Variants in ACAD11 observed in about 807,000 individuals in gnomAD.
The protein encoded by ACAD11 is acyl-Coenzyme A dehydrogenase family, member 11.
Under a neutral mutation model 102.2 loss-of-function variants are expected in ACAD11, and 83 were observed. The observed-to-expected ratio is 0.81, with a 90% CI of 0.68 to 0.97. The LOEUF is 0.97. Among genes scored for constraint, ACAD11 ranks in the 50% least tolerant of loss-of-function variants. The probability of loss-of-function intolerance (pLI) is 0.00; values close to 1 mark genes in which losing one functional copy is unlikely to be tolerated. For synonymous variants in ACAD11, 324 were observed against 319.8 expected (o/e 1.01, Z -0.14); for missense variants, 901 against 951.7 (o/e 0.95, Z 0.70).
intron 5 of ACAD11, among the ~76,000 whole-genome samples, chr3:132,633,118 G>A (rs940609030): frequency 2.6e-5 from 4 of 152,196 alleles, no homozygotes; most frequent in African/African-American, 9.7e-5. Flanking sequence ...ATGTTGAATA[G>A]GAGTGGTGAG....
At chr3:132,641,665 GGAAGAA>G (rs1559973955) in intron 4 of ACAD11, among the ~76,000 whole-genome samples, 5 of 134,914 alleles carry the variant, frequency 3.7e-5, no homozygotes, top group African/African-American at 9.0e-5. Flanking sequence ...AAGAAGAGGA[GGAAGAA>G]GAGGAAGAGG....
At chr3:132,632,851 G>T (rs1049490255) in intron 5 of ACAD11, among the ~76,000 whole-genome samples, 1 of 152,158 alleles carries the variant, frequency 6.6e-6, no homozygotes, top group Non-Finnish European at 1.5e-5. Flanking sequence ...TTGTGAATGG[G>T]AGTTCACTCA....
At chr3:132,632,752 A>C (rs1485826355) in intron 5 of ACAD11, among the ~76,000 whole-genome samples, 3 of 152,072 alleles carry the variant, frequency 2.0e-5, no homozygotes, top group African/African-American at 4.8e-5. Flanking sequence ...CTTTTATTTC[A>C]TTGAGCAGTG....
chr3:132,584,252 G>A (rs753367609), intron 13 of ACAD11, among the ~76,000 whole-genome samples: 3 of 152,244 alleles, frequency 2.0e-5, no homozygotes, highest in African/African-American at 7.2e-5. Context: ...CCTATATCGG[G>A]TGCATATATA....
intron 14 of ACAD11, 175 bp downstream of exon 14, chr3:132,579,317 G>A: frequency 1.5e-6 from 1 of 646,578 alleles, no homozygotes; most frequent in Non-Finnish European, 2.6e-6. Context: ...TCCCTATAAT[G>A]TTTTCCAAAA....
At chr3:132,565,014 A>G (rs763771362) in intron 17 of ACAD11, among the ~76,000 whole-genome samples, 22 of 152,084 alleles carry the variant, frequency 1.4e-4, no homozygotes, top group Non-Finnish European at 2.9e-4. Flanking sequence ...AACATAAAGC[A>G]CCCCAACAAA....
At chr3:132,628,573 TCGA>T in intron 7 of ACAD11, 127 bp from the exon 8 acceptor site, 1 of 592,956 alleles carries the variant, frequency 1.7e-6, no homozygotes, top group Non-Finnish European at 2.9e-6. Flanking sequence ...AAACAGACTA[TCGA>T]CGATATTAAT....
intron 15 of ACAD11, 95 bp from the exon 16 acceptor site, chr3:132,577,110 TAG>T: frequency 1.1e-5 from 9 of 805,602 alleles, no homozygotes; most frequent in Non-Finnish European, 1.8e-5. Flanking sequence ...TTGAAGAAAA[TAG>T]GATTTCAAAG....
chr3:132,572,782 A>G (rs74917116), intron 17 of ACAD11, among the ~76,000 whole-genome samples: 1 of 152,338 alleles, frequency 6.6e-6, no homozygotes, highest in East Asian at 1.9e-4. Context: ...AAAACAAGCA[A>G]TGGAGAAAGG....
intron 13 of ACAD11, among the ~76,000 whole-genome samples, chr3:132,593,265 C>T (rs953955526): frequency 2.0e-5 from 3 of 151,946 alleles, no homozygotes; most frequent in Non-Finnish European, 4.4e-5. Context: ...GTATGCAATA[C>T]TTAGCTCCCT....
At chr3:132,631,119 G>A (rs1311739041) in intron 6 of ACAD11, among the ~76,000 whole-genome samples, 2 of 151,608 alleles carry the variant, frequency 1.3e-5, no homozygotes, top group African/African-American at 2.4e-5. Flanking sequence ...AAACGTGCAC[G>A]TTGTGCACAT....
intron 3 of ACAD11, 136 bp from the exon 4 acceptor site, chr3:132,642,269 A>C (rs1940555163): frequency 1.2e-6 from 1 of 812,104 alleles, no homozygotes; most frequent in East Asian, 2.7e-5. Context: ...AGGATATGCC[A>C]AGATGAATAT....
At chr3:132,647,654 T>C (rs6776500) in intron 1 of ACAD11, among the ~76,000 whole-genome samples, 61,041 of 151,964 alleles carry the variant, frequency 0.4, 14,890 homozygotes, top group East Asian at 0.71. Context: ...CATTCCCCCT[T>C]GGTGACAGCT....
At chr3:132,630,010 A>G (rs1434824762) in intron 7 of ACAD11, among the ~76,000 whole-genome samples, 1 of 152,128 alleles carries the variant, frequency 6.6e-6, no homozygotes, top group Non-Finnish European at 1.5e-5. Flanking sequence ...GTTACTGTAT[A>G]CTAGATACTG....
At chr3:132,564,674 G>A (rs1386049698) in intron 17 of ACAD11, among the ~76,000 whole-genome samples, 2 of 152,156 alleles carry the variant, frequency 1.3e-5, no homozygotes, top group African/African-American at 2.4e-5. Context: ...CTGCATTGTG[G>A]CTTACAGACA....
At chr3:132,604,672 C>T (rs903489095) in intron 12 of ACAD11, among the ~76,000 whole-genome samples, 9 of 152,032 alleles carry the variant, frequency 5.9e-5, no homozygotes, top group African/African-American at 2.2e-4. Flanking sequence ...AGCCATATGT[C>T]CAGTACTGGT....
chr3:132,633,470 G>A (rs1211996167), intron 5 of ACAD11, among the ~76,000 whole-genome samples: 5 of 152,100 alleles, frequency 3.3e-5, no homozygotes, highest in East Asian at 1.9e-4. Flanking sequence ...GCTGGATTCC[G>A]TTTGCCAGTA....
chr3:132,647,261 C>A (rs1293064618), intron 1 of ACAD11: 1 of 152,098 alleles, frequency 6.6e-6, no homozygotes, highest in Non-Finnish European at 1.5e-5. Flanking sequence ...AACCATCAGG[C>A]CTCCAAATAG....
At chr3:132,610,427 T>G (rs1375223681) in intron 11 of ACAD11, among the ~76,000 whole-genome samples, 1 of 151,884 alleles carries the variant, frequency 6.6e-6, no homozygotes, top group Non-Finnish European at 1.5e-5. Flanking sequence ...AACCAACGAA[T>G]CCAGGAGCTG....
Sources: gnomAD v4.1 joint callset for allele counts (sites outside exome capture counted in the v4.1 genomes callset) on GRCh38, gnomAD v4.1.1 for gene constraint, MANE v1.5 for transcripts, NCBI Gene and HGNC (gene_info 2026-07-23, HGNC 2026-07-21) for gene names.